Variants in HK1 observed in about 807,000 individuals in gnomAD.
The protein encoded by HK1 is hexokinase-1.
A neutral mutation model predicts 91.6 loss-of-function variants in HK1; 28 were observed. The ratio of observed to expected loss-of-function variants is 0.31; its 90% CI spans 0.23 to 0.42. The LOEUF (loss-of-function observed/expected upper bound fraction) is 0.42. Among genes scored for constraint, HK1 ranks in the 10% least tolerant of loss-of-function variants. The probability of loss-of-function intolerance (pLI) is 1.00; values close to 1 mark genes in which losing one functional copy is unlikely to be tolerated. For synonymous variants in HK1, 430 were observed against 468.1 expected, an observed-to-expected ratio of 0.92 and a Z score of 1.05; for missense variants, 770 against 1,219.8, an observed-to-expected ratio of 0.63 and a Z score of 5.49.
chr10:69,278,798 TG>T (rs1416100350), intron 1 of HK1: 1 of 151,644 alleles, frequency 6.6e-6, no homozygotes, highest in Admixed American at 6.6e-5. Context: ...AAGATGAAGT[TG>T]TTTTTTTTTT....
intron 1 of HK1, among the ~76,000 whole-genome samples, chr10:69,276,733 ATAAT>A (rs1457905650): frequency 2.7e-5 from 4 of 150,248 alleles, no homozygotes; most frequent in Admixed American, 6.7e-5. Context: ...AATTAACATA[ATAAT>A]TAAACATCAA....
intron 1 of HK1, among the ~76,000 whole-genome samples, chr10:69,276,118 A>AAAAAAAATAT: frequency 2.4e-4 from 9 of 38,272 alleles, no homozygotes; most frequent in Admixed American, 5.6e-4. Flanking sequence ...AAAAAAAAAA[A>AAAAAAAATAT]ATACATATAT....
intron 1 of HK1, among the ~76,000 whole-genome samples, chr10:69,331,239 A>T (rs895995580): frequency 1.1e-4 from 17 of 152,034 alleles, no homozygotes; most frequent in African/African-American, 4.1e-4. Context: ...TCACCTAAAA[A>T]CTTAGATTAA....
At chr10:69,390,798 C>T (rs995525024) in intron 14 of HK1, among the ~76,000 whole-genome samples, 3 of 152,300 alleles carry the variant, frequency 2.0e-5, no homozygotes, top group Middle Eastern at 6.8e-3. Context: ...GCCCTAGCCT[C>T]TTGAATCTGG....
intron 14 of HK1, among the ~76,000 whole-genome samples, chr10:69,391,203 C>T (rs771375520): frequency 1.3e-5 from 2 of 152,220 alleles, no homozygotes; most frequent in Non-Finnish European, 2.9e-5. Context: ...AGGTCTGATA[C>T]AAAAATGATG....
At chr10:69,318,125 CG>C, upstream of HK1, 1 of 985,444 alleles carries the variant, frequency 1.0e-6, no homozygotes, top group Non-Finnish European at 1.2e-6. Context: ...GCTGGTGACT[CG>C]GGGGCGGGTG....
chr10:69,293,855 C>CTTTTTTT (rs34434447), intron 3 of HK1, among the ~76,000 whole-genome samples: 2 of 98,982 alleles, frequency 2.0e-5, no homozygotes, highest in Non-Finnish European at 1.9e-5. Context: ...ATATTTCTTT[C>CTTTTTTT]TTTTTTTTTT....
intron 2 of HK1, among the ~76,000 whole-genome samples, chr10:69,359,548 T>A (rs933971225): frequency 1.6e-4 from 24 of 152,220 alleles, no homozygotes; most frequent in African/African-American, 5.5e-4. Context: ...GATTTTTTAT[T>A]TCTGCATAGC....
At chr10:69,376,110 C>T (rs1192081011) in intron 7 of HK1, among the ~76,000 whole-genome samples, 2 of 152,126 alleles carry the variant, frequency 1.3e-5, no homozygotes, top group African/African-American at 4.8e-5. Flanking sequence ...CTGACAGCGG[C>T]CCCAGGGGGA....
intron 3 of HK1, among the ~76,000 whole-genome samples, chr10:69,289,617 G>A (rs1047132731): frequency 2.0e-5 from 3 of 150,842 alleles, no homozygotes; most frequent in South Asian, 2.1e-4. Context: ...AATTACAGGC[G>A]TGCGCCACCA....
chr10:69,296,075 C>A (rs1251870491), intron 4 of HK1: 3 of 269,446 alleles, frequency 1.1e-5, no homozygotes, highest in East Asian at 8.4e-5. Flanking sequence ...AAACTTGGCA[C>A]CCATCTGCTC....
At chr10:69,294,992 G>A (rs796075618) in intron 3 of HK1, among the ~76,000 whole-genome samples, 48 of 143,128 alleles carry the variant, frequency 3.4e-4, no homozygotes, top group African/African-American at 8.6e-4. Flanking sequence ...TCATGCCACC[G>A]CACTCCAAGC....
chr10:69,350,805 CT>C (rs943746937), intron 2 of HK1, among the ~76,000 whole-genome samples: 2 of 152,114 alleles, frequency 1.3e-5, no homozygotes, highest in African/African-American at 4.8e-5. Context: ...CCTTTTCCCC[CT>C]ATGCACAAGT....
exon 4 of HK1, chr10:69,295,666 C>A: frequency 6.2e-7 from 1 of 1,605,006 alleles, no homozygotes; most frequent in Non-Finnish European, 8.5e-7. Flanking sequence ...ACTTCATCTA[C>A]TTGCTGAAAG....
At chr10:69,323,115 A>G (rs577632013) in intron 1 of HK1, among the ~76,000 whole-genome samples, 15 of 151,338 alleles carry the variant, frequency 9.9e-5, no homozygotes, top group Non-Finnish European at 1.6e-4. Flanking sequence ...ACGTGGTAGC[A>G]TGCACCTGAA....
intron 1 of HK1, among the ~76,000 whole-genome samples, chr10:69,325,848 T>TG: frequency 6.6e-6 from 1 of 151,468 alleles, no homozygotes; most frequent in Non-Finnish European, 1.5e-5. Flanking sequence ...GCATTTTTTT[T>TG]TTTTGAGACA....
intron 7 of HK1, among the ~76,000 whole-genome samples, chr10:69,370,286 G>A (rs1849930915): frequency 6.6e-6 from 1 of 151,820 alleles, no homozygotes; most frequent in Non-Finnish European, 1.5e-5. Flanking sequence ...GTCAGGGGAG[G>A]AGATCAAGAG....
chr10:69,326,181 CTT>C (rs1470084936), intron 1 of HK1, among the ~76,000 whole-genome samples: 2 of 151,214 alleles, frequency 1.3e-5, no homozygotes, highest in Non-Finnish European at 2.9e-5. Context: ...TCCTGGAACA[CTT>C]CGTGAGTGTC....
chr10:69,363,756 A>G (rs2132784105), intron 3 of HK1, among the ~76,000 whole-genome samples: 1 of 152,318 alleles, frequency 6.6e-6, no homozygotes, highest in South Asian at 2.1e-4. Flanking sequence ...GCCTCTCCTC[A>G]TGGGCAGTAT....
Sources: allele counts gnomAD v4.1 joint callset (sites outside exome capture counted in the v4.1 genomes callset), GRCh38; gene constraint gnomAD v4.1.1; transcripts MANE v1.5; gene names NCBI Gene and HGNC (gene_info 2026-07-23, HGNC 2026-07-21).